The following UTP4 variants were observed in gnomAD, a reference collection of about 807,000 sequenced individuals.
UTP4 encodes the protein U3 small nucleolar RNA-associated protein 4 homolog.
Under a neutral mutation model 82.4 loss-of-function variants are expected in UTP4, and 45 were observed. The observed-to-expected ratio is 0.55, with a 90% CI of 0.43 to 0.70. UTP4 has a LOEUF of 0.70. Among genes scored for constraint, UTP4 ranks in the 30% least tolerant of loss-of-function variants. UTP4 has a pLI of 0.00. For missense variants in UTP4, 819 were observed against 858.3 expected (o/e 0.95, Z 0.57); for synonymous variants, 348 against 300.3 (o/e 1.16, Z -1.64).
intron 5 of UTP4, 69 bp downstream of exon 5, chr16:69,139,983 C>G (rs942452766): frequency 8.8e-7 from 1 of 1,140,194 alleles, no homozygotes; most frequent in Non-Finnish European, 1.3e-6. Context: ...TTTTCAAAAG[C>G]TTGAGCCTTT....
intron 8 of UTP4, among the ~76,000 whole-genome samples, chr16:69,152,994 C>T (rs1010390543): frequency 1.3e-5 from 2 of 152,158 alleles, no homozygotes; most frequent in East Asian, 3.9e-4. Context: ...CTGTTGGCTT[C>T]AGCATAAAGA....
intron 14 of UTP4, 89 bp downstream of exon 14, chr16:69,163,267 T>C: frequency 9.6e-7 from 1 of 1,041,616 alleles, no homozygotes; most frequent in Non-Finnish European, 1.5e-6. Flanking sequence ...GAGCTTTTTT[T>C]TGAAGGTGTT....
At chr16:69,136,051 AATATGAGC>A (rs1962804738) in intron 2 of UTP4, among the ~76,000 whole-genome samples, 1 of 152,218 alleles carries the variant, frequency 6.6e-6, no homozygotes. Flanking sequence ...AAAGTGAAAG[AATATGAGC>A]ATATGAGCTA....
In UTP4 at chr16:69,165,511, C is replaced by A; in HGVS notation, c.1818C>A (p.Ile606=). The part of the protein sequence containing the change: ...ILLHDAYMFC[I]IDKSLPLPND... Reference sequence around the variant, plus strand: ...TCCATGATGCCTACATGTTCTGCATCATTGACAAGTCATTGGTGAGTTCTT... The same window carrying A: ...TCCATGATGCCTACATGTTCTGCATAATTGACAAGTCATTGGTGAGTTCTT... The change falls in exon 15 of 17, where the codon ATC becomes ATA. Residue 606 remains isoleucine (I), a synonymous_variant. Transcript: ENST00000314423. 1 of 1,614,022 alleles carries A rather than the reference C, an allele frequency of 6.2e-7. No individual in the cohort carries two copies. Among genetic ancestry groups the A allele is most frequent in the South Asian group, 1.1e-5 (1 of 91,088 alleles).
chr16:69,146,706 C>A (rs969964455), intron 6 of UTP4, among the ~76,000 whole-genome samples: 1 of 150,636 alleles, frequency 6.6e-6, no homozygotes, highest in Admixed American at 6.6e-5. Flanking sequence ...ACTAAAAATA[C>A]AAAAATTAAG....
intron 14 of UTP4, 107 bp from the exon 15 acceptor site, chr16:69,165,234 T>C: frequency 1.1e-6 from 1 of 913,646 alleles, no homozygotes; most frequent in East Asian, 2.5e-5. Flanking sequence ...AGAATGAATA[T>C]AATACAGTTG....
intron 13 of UTP4, among the ~76,000 whole-genome samples, chr16:69,162,202 C>T (rs1363765456): frequency 6.6e-5 from 10 of 150,582 alleles, no homozygotes; most frequent in Non-Finnish European, 1.3e-4. Context: ...CTCCTGACCT[C>T]GTGATCCGCC....
intron 6 of UTP4, among the ~76,000 whole-genome samples, chr16:69,147,397 C>T (rs371066929): frequency 5.4e-5 from 8 of 148,564 alleles, no homozygotes; most frequent in East Asian, 4.1e-4. Flanking sequence ...CCCAGCTACT[C>T]GGGAGGCTGA....
intron 11 of UTP4, among the ~76,000 whole-genome samples, chr16:69,156,399 C>T (rs918465081): frequency 6.6e-6 from 1 of 151,612 alleles, no homozygotes; most frequent in African/African-American, 2.4e-5. Context: ...TCAAGTGATT[C>T]ACCCGCCTCA....
chr16:69,152,276 ATTT>A (rs1963292263), intron 8 of UTP4, among the ~76,000 whole-genome samples: 1 of 150,680 alleles, frequency 6.6e-6, no homozygotes, highest in African/African-American at 2.4e-5. Flanking sequence ...CATTGATCTT[ATTT>A]TATTTTATTT....
intron 16 of UTP4, 111 bp from the exon 17 acceptor site, chr16:69,168,710 G>A: frequency 1.3e-6 from 1 of 790,544 alleles, no homozygotes; most frequent in Non-Finnish European, 2.3e-6. Flanking sequence ...AATCATTTGA[G>A]CCTTGAACTA....
intron 10 of UTP4, among the ~76,000 whole-genome samples, chr16:69,155,057 G>GTA (rs1211016080): frequency 6.6e-6 from 1 of 151,602 alleles, no homozygotes. Context: ...GTACAAAAGG[G>GTA]TATACAATGA....
chr16:69,167,425 A>C (rs1963729301), intron 16 of UTP4: 2 of 495,570 alleles, frequency 4.0e-6, no homozygotes, highest in Admixed American at 3.3e-5. Flanking sequence ...AGTAGTGAGA[A>C]ATGTTGGCGC....
intron 10 of UTP4, 36 bp from the exon 11 acceptor site, chr16:69,155,835 T>C: frequency 6.2e-7 from 1 of 1,613,834 alleles, no homozygotes. Flanking sequence ...ATGTGAAGTT[T>C]AATTGCACAT....
At chr16:69,151,068 G>A (rs111823549) in intron 8 of UTP4, among the ~76,000 whole-genome samples, 164 bp downstream of exon 8, 1 of 151,294 alleles carries the variant, frequency 6.6e-6, no homozygotes, top group African/African-American at 2.4e-5. Flanking sequence ...GTGCAATGGC[G>A]CGATCTCGGC....
chr16:69,141,689 G>C (rs958960857), intron 5 of UTP4, among the ~76,000 whole-genome samples: 1 of 151,810 alleles, frequency 6.6e-6, no homozygotes, highest in African/African-American at 2.4e-5. Context: ...CTTTCTGGGA[G>C]AGTTTGTCTT....
In UTP4 at chr16:69,167,061, C is replaced by T. The variant is rs199848696; in HGVS notation, c.1834-14C>T. On this transcript the variant is annotated splice_polypyrimidine_tract_variant and intron_variant, in intron 15 of 16. Transcript: ENST00000314423. ...AAAAGTAACCATTTAAACAATGTGT[C>T]TTTGTTTTTTTAGCCCCTTCCAAAT... The T allele has an allele frequency of 6.4e-7, 1 of 1,572,634 alleles. No individual in the cohort carries two copies. The highest frequency in any genetic ancestry group is 2.2e-5 in the East Asian group (1 of 44,656).
At chr16:69,143,442 T>C (rs898817049) in intron 6 of UTP4, 53 bp downstream of exon 6, 37 of 1,514,730 alleles carry the variant, frequency 2.4e-5, no homozygotes, top group Admixed American at 3.4e-5. Context: ...TGGGGTGAGT[T>C]GAGAAAGCAG....
chr16:69,134,017 C>A (rs1962736227), intron 2 of UTP4, among the ~76,000 whole-genome samples: 2 of 152,098 alleles, frequency 1.3e-5, no homozygotes, highest in South Asian at 4.1e-4. Context: ...ATATCAGAAA[C>A]TTTTTGGTGA....
Sources: allele counts gnomAD v4.1 joint callset (sites outside exome capture counted in the v4.1 genomes callset), GRCh38; gene constraint gnomAD v4.1.1; transcripts MANE v1.5; gene names NCBI Gene and HGNC (gene_info 2026-07-23, HGNC 2026-07-21).